FHAD1: variants seen among roughly 807,000 people sequenced by gnomAD.
FHAD1 encodes forkhead associated phosphopeptide binding domain 1.
Under a neutral mutation model 191.3 loss-of-function variants are expected in FHAD1, and 146 were observed. The observed-to-expected ratio is 0.76, with a 90% CI of 0.67 to 0.88. FHAD1 has a LOEUF of 0.88. Among genes scored for constraint, FHAD1 ranks in the 40% least tolerant of loss-of-function variants. FHAD1 has a pLI of 0.00. For missense variants in FHAD1, 1,635 were observed against 1,785.8 expected (o/e 0.92, Z 1.52); for synonymous variants, 616 against 672.3 (o/e 0.92, Z 1.29).
intron 3 of FHAD1, among the ~76,000 whole-genome samples, chr1:15,282,876 C>G (rs1661095178): frequency 6.6e-6 from 1 of 152,160 alleles, no homozygotes. Flanking sequence ...AGGCAAGCCC[C>G]AAAATTGGGA....
rs188225140 is a variant in FHAD1 at position 15,359,915 on chromosome 1, A to C, written c.2737-563A>C. Among the ~76,000 whole-genome samples the C allele has an allele frequency of 1.1e-3, 168 of 151,848 alleles. 3 individuals carry two copies. In the East Asian group the frequency reaches 0.024, roughly 22 times the overall value. On this transcript the variant is annotated intron_variant, in intron 21 of 33. Coordinates refer to ENST00000688493, the MANE Select transcript of FHAD1 (RefSeq NM_001391957.1). ...CAGTGAGCCGAGATCGCGCCACTGC[A>C]CTCCAGCCTGGGTGACAGAGAGAGA...
intron 26 of FHAD1, among the ~76,000 whole-genome samples, chr1:15,371,788 A>G (rs2496348): frequency 0.46 from 70,421 of 152,174 alleles, 20,880 homozygotes; most frequent in African/African-American, 0.85. Flanking sequence ...GAGCAGGCTG[A>G]AGACAGGGTC....
At chr1:15,397,020 T>TAA (rs5772637) in intron 33 of FHAD1, among the ~76,000 whole-genome samples, 18 of 115,922 alleles carry the variant, frequency 1.6e-4, no homozygotes, top group East Asian at 7.5e-4. Flanking sequence ...CCGTCTCTAC[T>TAA]AAAAAAAAAA....
At position 15,382,621 on chromosome 1, in the gene FHAD1, T is replaced by C. The variant is rs116726168; in HGVS notation, c.4188+428T>C. On this transcript the variant is annotated intron_variant, in intron 31 of 33. Transcript: ENST00000688493. ...GTTGATGGACAGATGGAAGAATAGATGGACTGAGGAGTATACAGGTGGATG... is the reference window on the plus strand; with the variant it reads ...GTTGATGGACAGATGGAAGAATAGACGGACTGAGGAGTATACAGGTGGATG... Among the ~76,000 whole-genome samples the C allele has an allele frequency of 9.6e-3, 1,459 of 152,206 alleles. 19 individuals are homozygous for C. Among genetic ancestry groups the C allele is most frequent in the African/African-American group, 0.032 (1,339 of 41,524 alleles).
At chr1:15,401,055 T>TGAA (rs1325222747), downstream of FHAD1, among the ~76,000 whole-genome samples, 1 of 152,214 alleles carries the variant, frequency 6.6e-6, no homozygotes, top group Non-Finnish European at 1.5e-5. Context: ...CCCTTCCTTG[T>TGAA]GAAGGCCAGT....
At chr1:15,241,835 T>G (rs1156819304) in intron 1 of FHAD1, among the ~76,000 whole-genome samples, 1 of 152,172 alleles carries the variant, frequency 6.6e-6, no homozygotes, top group Non-Finnish European at 1.5e-5. Context: ...TGAGTACACT[T>G]AGTAAAAATT....
intron 3 of FHAD1, among the ~76,000 whole-genome samples, chr1:15,281,148 G>C (rs986476578): frequency 2.0e-5 from 3 of 152,202 alleles, no homozygotes; most frequent in South Asian, 4.1e-4. Context: ...GATGGAGAAG[G>C]CTGTCTTCCT....
intron 8 of FHAD1, among the ~76,000 whole-genome samples, chr1:15,315,761 C>T (rs1164258286): frequency 6.6e-6 from 1 of 152,122 alleles, no homozygotes; most frequent in Non-Finnish European, 1.5e-5. Flanking sequence ...GCTGGGATTA[C>T]AGGTGCAAGC....
intron 15 of FHAD1, among the ~76,000 whole-genome samples, chr1:15,340,568 G>A (rs984025361): frequency 1.1e-4 from 16 of 152,080 alleles, no homozygotes; most frequent in African/African-American, 3.6e-4. Flanking sequence ...CCTTCTGCTT[G>A]TGTTATGTCT....
chr1:15,375,765 A>T, intron 28 of FHAD1, 35 bp downstream of exon 28: 1 of 1,513,062 alleles, frequency 6.6e-7, no homozygotes, highest in Non-Finnish European at 8.8e-7. Context: ...TGTGACTGGC[A>T]TGTGGAGAGG....
intron 23 of FHAD1, 38 bp downstream of exon 23, chr1:15,362,764 A>C: frequency 2.1e-4 from 309 of 1,497,704 alleles, no homozygotes; most frequent in Non-Finnish European, 2.5e-4. Context: ...AGGCATTCTC[A>C]CCGGCACCAC....
intron 3 of FHAD1, among the ~76,000 whole-genome samples, chr1:15,279,121 C>A (rs1244304985): frequency 1.3e-5 from 2 of 152,132 alleles, no homozygotes; most frequent in Non-Finnish European, 2.9e-5. Flanking sequence ...GGGGCCACTG[C>A]TTTACTCTTA....
intron 7 of FHAD1, among the ~76,000 whole-genome samples, chr1:15,310,228 G>A (rs1056818486): frequency 6.6e-6 from 1 of 152,212 alleles, no homozygotes; most frequent in African/African-American, 2.4e-5. Context: ...AAAGCAGAGC[G>A]TAGCATTGAG....
downstream of FHAD1, among the ~76,000 whole-genome samples, chr1:15,400,714 T>C (rs1425672153): frequency 6.6e-6 from 1 of 152,198 alleles, no homozygotes; most frequent in African/African-American, 2.4e-5. Context: ...AGAAACCTGG[T>C]CTAGAGAGGC....
intron 8 of FHAD1, among the ~76,000 whole-genome samples, chr1:15,314,140 A>C (rs1284025620): frequency 6.6e-6 from 1 of 151,550 alleles, no homozygotes; most frequent in Non-Finnish European, 1.5e-5. Context: ...TGACTTTAGA[A>C]TCCTGAACCT....
downstream of FHAD1, chr1:15,400,238 C>G (rs1707057021): frequency 6.6e-6 from 1 of 152,282 alleles, no homozygotes; most frequent in African/African-American, 2.4e-5. Context: ...CTGCCTACCT[C>G]TGTACTTCCT....
intron 3 of FHAD1, 70 bp downstream of exon 3, chr1:15,272,599 G>T: frequency 7.2e-7 from 1 of 1,381,506 alleles, no homozygotes; most frequent in East Asian, 2.5e-5. Flanking sequence ...GGATGCAGCT[G>T]CAGGGTGGCG....
At chr1:15,359,810 C>T (rs539980150) in intron 21 of FHAD1, among the ~76,000 whole-genome samples, 43 of 152,196 alleles carry the variant, frequency 2.8e-4, no homozygotes, top group Non-Finnish European at 4.4e-4. Flanking sequence ...AATAGCCAGG[C>T]GTGGTGGCGG....
intron 3 of FHAD1, among the ~76,000 whole-genome samples, chr1:15,281,562 C>A (rs1195646038): frequency 6.6e-6 from 1 of 151,900 alleles, no homozygotes; most frequent in East Asian, 1.9e-4. Context: ...GAGTTTGACA[C>A]CAGTCTGACC....
Sources: gnomAD v4.1 joint callset for allele counts (sites outside exome capture counted in the v4.1 genomes callset) on GRCh38, gnomAD v4.1.1 for gene constraint, MANE v1.5 for transcripts, NCBI Gene and HGNC (gene_info 2026-07-23, HGNC 2026-07-21) for gene names.